CFAP20DC: variants seen among roughly 807,000 people sequenced by gnomAD.
The protein encoded by CFAP20DC is protein CFAP20DC.
CFAP20DC carries 84 observed loss-of-function variants against 101.7 expected under a neutral mutation model. The ratio of observed to expected loss-of-function variants is 0.83; its 90% CI spans 0.69 to 0.99. CFAP20DC has a LOEUF of 0.99. CFAP20DC is among the 50% of genes least tolerant of loss of function. The pLI is 0.00. For synonymous variants in CFAP20DC, 359 were observed against 351.2 expected (o/e 1.02, Z -0.25); for missense variants, 1,007 against 970.3 (o/e 1.04, Z -0.50).
intron 4 of CFAP20DC, among the ~76,000 whole-genome samples, chr3:59,020,519 G>A (rs191622918): frequency 6.6e-6 from 1 of 151,084 alleles, no homozygotes; most frequent in East Asian, 1.9e-4. Context: ...ACTTTTAACA[G>A]TGCTGTGATA....
chr3:58,851,442 A>C (rs2078221687), intron 12 of CFAP20DC, among the ~76,000 whole-genome samples: 2 of 152,186 alleles, frequency 1.3e-5, no homozygotes, highest in Non-Finnish European at 2.9e-5. Context: ...TAATTCTTGC[A>C]GTCTCTTACA....
At chr3:58,970,371 C>G (rs2091880228) in intron 4 of CFAP20DC, 2 of 152,010 alleles carry the variant, frequency 1.3e-5, no homozygotes, top group African/African-American at 4.8e-5. Flanking sequence ...GAAATCTGAA[C>G]AAAGACAGAC....
chr3:58,794,413 G>T (rs1392799406), intron 15 of CFAP20DC: 2 of 436,240 alleles, frequency 4.6e-6, no homozygotes, highest in Non-Finnish European at 9.4e-6. Flanking sequence ...AAAGATGTTT[G>T]CCTTTTTGCC....
intron 5 of CFAP20DC, among the ~76,000 whole-genome samples, chr3:58,927,996 C>T (rs2086171601): frequency 6.6e-6 from 1 of 152,162 alleles, no homozygotes; most frequent in Non-Finnish European, 1.5e-5. Flanking sequence ...TACTCCTCGG[C>T]ATTTGTGGAA....
At chr3:58,851,177 G>A (rs75815932) in intron 12 of CFAP20DC, among the ~76,000 whole-genome samples, 12 of 152,256 alleles carry the variant, frequency 7.9e-5, no homozygotes, top group East Asian at 1.9e-4. Flanking sequence ...AGGCAAAGAG[G>A]AGTCATTGTG....
intron 6 of CFAP20DC, among the ~76,000 whole-genome samples, chr3:58,903,224 G>A (rs2083300307): frequency 6.6e-6 from 1 of 152,020 alleles, no homozygotes; most frequent in Admixed American, 6.6e-5. Flanking sequence ...TAATACTATT[G>A]ACAATGCAAG....
Position 58,894,021 on chromosome 3 carries a change from C to T in CFAP20DC, c.551-9312G>A, listed in dbSNP as rs2082470121. On this transcript the variant is annotated intron_variant, in intron 6 of 16. Transcript: ENST00000482387. The surrounding 1 kb of genome is among the most constrained non-coding windows in gnomAD (Gnocchi z 4.1). ...TCCCCTTTTTAAAACCATCAGATCT[C>T]AAAAGACTTACTTGCTATCATGAGA... 6.6e-6 allele frequency among the ~76,000 whole-genome samples: 1 copy of T among 152,128 alleles called. No individual in the cohort carries two copies. Among genetic ancestry groups the T allele is most frequent in the South Asian group, 2.1e-4 (1 of 4,826 alleles).
chr3:58,904,578 G>A (rs1476321342), intron 6 of CFAP20DC, among the ~76,000 whole-genome samples: 3 of 152,114 alleles, frequency 2.0e-5, no homozygotes, highest in African/African-American at 4.8e-5. Context: ...AAATAGAGGT[G>A]AGGAAACACC....
At chr3:59,028,690 T>C (rs139366363) in intron 4 of CFAP20DC, among the ~76,000 whole-genome samples, 163 of 152,312 alleles carry the variant, frequency 1.1e-3, no homozygotes, top group African/African-American at 3.7e-3. Flanking sequence ...CCTTATCCTT[T>C]CTAGGTTTCA....
chr3:58,801,478 G>A (rs9682096), intron 15 of CFAP20DC, among the ~76,000 whole-genome samples: 6,204 of 152,154 alleles, frequency 0.041, 172 homozygotes, highest in Middle Eastern at 0.095. Context: ...TTTAAAATGA[G>A]CGAAACTTAA....
chr3:58,825,402 A>G (rs769178291), intron 14 of CFAP20DC, among the ~76,000 whole-genome samples: 3 of 152,118 alleles, frequency 2.0e-5, no homozygotes, highest in Non-Finnish European at 2.9e-5. Context: ...TATTATTTCC[A>G]TTTCAAAGAT....
chr3:59,016,941 T>G (rs1436409183), intron 4 of CFAP20DC, among the ~76,000 whole-genome samples: 2 of 152,094 alleles, frequency 1.3e-5, no homozygotes, highest in African/African-American at 2.4e-5. Context: ...CACAGGCTAA[T>G]GATGAAGAGA....
intron 4 of CFAP20DC, among the ~76,000 whole-genome samples, chr3:58,984,090 C>T (rs2092674932): frequency 6.6e-6 from 1 of 152,142 alleles, no homozygotes; most frequent in Non-Finnish European, 1.5e-5. Flanking sequence ...GGAAAGAATG[C>T]TTATAAGTTT....
At chr3:58,750,580 G>C (rs1170818042) in intron 16 of CFAP20DC, among the ~76,000 whole-genome samples, 1 of 152,206 alleles carries the variant, frequency 6.6e-6, no homozygotes, top group Non-Finnish European at 1.5e-5. Flanking sequence ...TCAGTGAAAT[G>C]GTTCTGTAGA....
intron 13 of CFAP20DC, 134 bp from the exon 14 acceptor site, chr3:58,832,023 G>A (rs550739031): frequency 4.5e-5 from 31 of 695,222 alleles, no homozygotes; most frequent in South Asian, 4.1e-4. Flanking sequence ...GCCTCCATGC[G>A]CTACCTGCCC....
At chr3:59,019,708 A>C (rs1168593819) in intron 4 of CFAP20DC, among the ~76,000 whole-genome samples, 2 of 152,204 alleles carry the variant, frequency 1.3e-5, no homozygotes, top group Admixed American at 6.5e-5. Flanking sequence ...TTCAAAATGT[A>C]CTGAGGATGT....
chr3:58,981,352 A>T (rs753857294), intron 4 of CFAP20DC, among the ~76,000 whole-genome samples: 8,565 of 152,092 alleles, frequency 0.056, 449 homozygotes, highest in African/African-American at 0.14. Flanking sequence ...ATTGGAAAAA[A>T]CTACTTTAAA....
intron 13 of CFAP20DC, 38 bp downstream of exon 13, chr3:58,848,994 T>C (rs1554910): frequency 4.6e-6 from 7 of 1,521,012 alleles, no homozygotes; most frequent in Non-Finnish European, 6.1e-6. Context: ...CAGCAGGATG[T>C]ATTGCCGGCA....
At chr3:58,924,326 T>G (rs2085715494) in intron 5 of CFAP20DC, among the ~76,000 whole-genome samples, 2 of 152,134 alleles carry the variant, frequency 1.3e-5, no homozygotes, top group Admixed American at 6.6e-5. Flanking sequence ...TGAGTAAGAA[T>G]GCATGGTATT....
Sources: gnomAD v4.1 joint callset for allele counts (sites outside exome capture counted in the v4.1 genomes callset) on GRCh38, gnomAD v4.1.1 for gene constraint, Gnocchi (gnomAD v3.1) non-coding constraint, MANE v1.5 for transcripts, NCBI Gene and HGNC (gene_info 2026-07-23, HGNC 2026-07-21) for gene names.